Variants in PDZRN4 observed in about 807,000 individuals in gnomAD.
PDZRN4 encodes PDZ domain-containing RING finger protein 4.
Under a neutral mutation model 99.0 loss-of-function variants are expected in PDZRN4, and 70 were observed. That is an observed-to-expected ratio of 0.71 (90% CI 0.58 to 0.86). The LOEUF (loss-of-function observed/expected upper bound fraction) is 0.86. PDZRN4 is among the 40% of genes least tolerant of loss of function. The probability of loss-of-function intolerance (pLI) is 0.00; values close to 1 mark genes in which losing one functional copy is unlikely to be tolerated. For synonymous variants in PDZRN4, 551 were observed against 501.6 expected (o/e 1.10, Z -1.32); for missense variants, 1,474 against 1,331.2 (o/e 1.11, Z -1.67).
chr12:41,317,048 G>GTAAACATACATATATA (rs1555128867), intron 3 of PDZRN4, among the ~76,000 whole-genome samples: 1 of 69,582 alleles, frequency 1.4e-5, no homozygotes, highest in Non-Finnish European at 3.5e-5. Context: ...CTTACATAAA[G>GTAAACATACATATATA]TATATATATA....
intron 3 of PDZRN4, among the ~76,000 whole-genome samples, chr12:41,211,269 T>A (rs1027029975): frequency 6.6e-6 from 1 of 152,030 alleles, no homozygotes; most frequent in Non-Finnish European, 1.5e-5. Context: ...GATTCTAGAT[T>A]GGTATTTTAA....
intron 5 of PDZRN4, among the ~76,000 whole-genome samples, chr12:41,550,666 G>A (rs1268521768): frequency 1.3e-5 from 2 of 151,998 alleles, no homozygotes; most frequent in Admixed American, 1.3e-4. Context: ...GAGTATCTTT[G>A]TCCACCAGTC....
At chr12:41,311,937 CT>C (rs1211134428) in intron 3 of PDZRN4, among the ~76,000 whole-genome samples, 2 of 152,038 alleles carry the variant, frequency 1.3e-5, no homozygotes, top group South Asian at 2.1e-4. Flanking sequence ...TTGAAAAAAA[CT>C]TTTTTCTTTT....
chr12:41,356,047 A>C (rs1022595118), intron 3 of PDZRN4, among the ~76,000 whole-genome samples: 1 of 152,026 alleles, frequency 6.6e-6, no homozygotes, highest in Admixed American at 6.6e-5. Flanking sequence ...GAACTGACTA[A>C]AAAATTTACT....
At chr12:41,247,010 C>T (rs1951137700) in intron 3 of PDZRN4, among the ~76,000 whole-genome samples, 1 of 151,246 alleles carries the variant, frequency 6.6e-6, no homozygotes, top group Non-Finnish European at 1.5e-5. Context: ...CCCTTTCTTC[C>T]TTTTTTTTTC....
chr12:41,280,199 C>T (rs372360622), intron 3 of PDZRN4, among the ~76,000 whole-genome samples: 2 of 152,146 alleles, frequency 1.3e-5, no homozygotes, highest in African/African-American at 2.4e-5. Context: ...CTATGCTTTT[C>T]CCAGGGTCTT....
intron 3 of PDZRN4, among the ~76,000 whole-genome samples, chr12:41,493,741 T>C (rs1937934653): frequency 6.6e-6 from 1 of 152,040 alleles, no homozygotes; most frequent in African/African-American, 2.4e-5. Flanking sequence ...CAGGTGGTCT[T>C]TTTCACTTGG....
chr12:41,546,055 C>CAACTTGGCA (rs933257817), intron 5 of PDZRN4, among the ~76,000 whole-genome samples: 1 of 152,096 alleles, frequency 6.6e-6, no homozygotes, highest in Non-Finnish European at 1.5e-5. Flanking sequence ...TGTGAAACAG[C>CAACTTGGCA]AACTTGGCAA....
intron 5 of PDZRN4, among the ~76,000 whole-genome samples, chr12:41,536,763 A>AAAAAAAAAAAAAAC (rs1938755752): frequency 6.7e-6 from 1 of 148,396 alleles, no homozygotes; most frequent in Non-Finnish European, 1.5e-5. Flanking sequence ...TTGAAAAGTA[A>AAAAAAAAAAAAAAC]AAAAAAAAAA....
chr12:41,300,322 C>T (rs936012067), intron 3 of PDZRN4, among the ~76,000 whole-genome samples: 4 of 151,726 alleles, frequency 2.6e-5, no homozygotes, highest in African/African-American at 9.7e-5. Context: ...TGCCAAAGTC[C>T]CAACTCCTGA....
intron 5 of PDZRN4, among the ~76,000 whole-genome samples, chr12:41,524,502 T>A (rs1333414950): frequency 1.3e-5 from 2 of 152,096 alleles, no homozygotes; most frequent in African/African-American, 4.8e-5. Context: ...CAGATGCTCA[T>A]CTACAGAAAG....
chr12:41,455,342 A>G (rs1209066171), intron 3 of PDZRN4, among the ~76,000 whole-genome samples: 1 of 152,234 alleles, frequency 6.6e-6, no homozygotes, highest in Non-Finnish European at 1.5e-5. Flanking sequence ...TCTTGACACT[A>G]AAATCTCATG....
At chr12:41,563,009 T>A (rs1167341601) in intron 7 of PDZRN4, among the ~76,000 whole-genome samples, 1 of 152,204 alleles carries the variant, frequency 6.6e-6, no homozygotes, top group East Asian at 1.9e-4. Flanking sequence ...CTGAGATTTA[T>A]CCTGACGATG....
chr12:41,488,862 G>A (rs938127632), intron 3 of PDZRN4, among the ~76,000 whole-genome samples: 13 of 152,094 alleles, frequency 8.5e-5, no homozygotes, highest in Non-Finnish European at 1.6e-4. Flanking sequence ...ACCAGGTCCC[G>A]ATTAGATCCA....
At chr12:41,343,361 T>C (rs1404439778) in intron 3 of PDZRN4, among the ~76,000 whole-genome samples, 1 of 152,022 alleles carries the variant, frequency 6.6e-6, no homozygotes, top group Non-Finnish European at 1.5e-5. Context: ...ATTTCTCTAA[T>C]GGCCTTTCAA....
intron 3 of PDZRN4, among the ~76,000 whole-genome samples, chr12:41,238,484 G>T (rs1951081484): frequency 6.6e-6 from 1 of 152,036 alleles, no homozygotes; most frequent in Non-Finnish European, 1.5e-5. Context: ...TCTGACAAAG[G>T]TCTAATATCC....
chr12:41,209,877 G>A (rs2120691654), intron 3 of PDZRN4, among the ~76,000 whole-genome samples: 1 of 149,014 alleles, frequency 6.7e-6, no homozygotes, highest in African/African-American at 2.5e-5. Flanking sequence ...CGGGATGGCT[G>A]GGTCAAATGG....
At chr12:41,197,170 A>G (rs900565810) in intron 3 of PDZRN4, among the ~76,000 whole-genome samples, 8 of 152,126 alleles carry the variant, frequency 5.3e-5, no homozygotes, top group Admixed American at 5.2e-4. Context: ...ATTGTTTTTA[A>G]AAAATAATAA....
chr12:41,393,350 G>A (rs891757751), intron 3 of PDZRN4, among the ~76,000 whole-genome samples: 1 of 152,042 alleles, frequency 6.6e-6, no homozygotes, highest in Non-Finnish European at 1.5e-5. Flanking sequence ...TTGTTGCCGT[G>A]GCTGTGTGTA....
Sources: gnomAD v4.1 joint callset for allele counts (sites outside exome capture counted in the v4.1 genomes callset) on GRCh38, gnomAD v4.1.1 for gene constraint, MANE v1.5 for transcripts, NCBI Gene and HGNC (gene_info 2026-07-23, HGNC 2026-07-21) for gene names.